PFKFB2: variants seen among roughly 807,000 people sequenced by gnomAD.
PFKFB2 encodes the protein 6-phosphofructo-2-kinase/fructose-2,6-bisphosphatase 2.
A neutral mutation model predicts 68.0 loss-of-function variants in PFKFB2; 53 were observed. That is an observed-to-expected ratio of 0.78 (90% confidence interval 0.63 to 0.98). The LOEUF (loss-of-function observed/expected upper bound fraction) is 0.98, where lower values mean the gene tolerates loss of function less well. Among genes scored for constraint, PFKFB2 ranks in the 50% least tolerant of loss-of-function variants. The probability of loss-of-function intolerance (pLI) is 0.00; values close to 1 mark genes in which losing one functional copy is unlikely to be tolerated. For missense variants in PFKFB2, 451 were observed against 642.0 expected, an observed-to-expected ratio of 0.70 and a Z score of 3.22; for synonymous variants, 222 against 227.6, an observed-to-expected ratio of 0.98 and a Z score of 0.22.
rs576124858 is a variant in PFKFB2, at chr1:207,071,399, CTG to C, written c.1286-104_1286-103del. On this transcript the variant is annotated intron_variant, in intron 13 of 14. Transcript: ENST00000367080. ...TGTTTTGAAAGGGATGTATGCATGA[CTG>C]TGTGTATTGCAGAATGCGTACATTC... The C allele has an allele frequency of 3.0e-4, 309 of 1,034,636 alleles. 2 individuals carry two copies. In the African/African-American group the frequency reaches 4.2e-3, roughly 14 times the overall value. The allele number at this position is 1,034,636 out of a possible 1,614,324, so 64.1% of individuals were successfully genotyped here.
intron 1 of PFKFB2, among the ~76,000 whole-genome samples, chr1:207,034,645 C>G (rs1180176525): frequency 6.6e-6 from 1 of 152,138 alleles, no homozygotes. Context: ...GGGACATAGA[C>G]AAAAATCATC....
At chr1:207,049,802 T>C (rs1290227640), upstream of PFKFB2, 1 of 1,354,974 alleles carries the variant, frequency 7.4e-7, no homozygotes, top group Non-Finnish European at 1.0e-6. Flanking sequence ...GTCTGTAAAT[T>C]ACAAACTGAA....
chr1:207,068,167 C>T lies in PFKFB2; in HGVS notation c.845C>T (p.Ala282Val). The change falls in exon 10 of 15, where the codon GCC becomes GTC. Residue 282 changes from alanine (A) to valine (V), a missense_variant. By Grantham distance (64) the Ala-to-Val change is moderately conservative. Coordinates refer to ENST00000367080, the MANE Select transcript of PFKFB2 (RefSeq NM_006212.2). ...SGLSVRGKQF[A>V]QALRKFLEEQ... ...ATTTTCATTTTTAAACCCCAGTTTGCCCAAGCTCTAAGGAAATTTCTGGAG... is the reference window on the plus strand; with the variant it reads ...ATTTTCATTTTTAAACCCCAGTTTGTCCAAGCTCTAAGGAAATTTCTGGAG... 6.2e-7 allele frequency: 1 copy of T among 1,604,812 alleles called. No individual in the cohort carries two copies. The highest frequency in any genetic ancestry group is 8.5e-7 in the Non-Finnish European group (1 of 1,177,054).
upstream of PFKFB2, chr1:207,048,754 G>A (rs1325590505): frequency 4.7e-6 from 2 of 424,100 alleles, no homozygotes; most frequent in African/African-American, 4.0e-5. Flanking sequence ...CTTCAGGTCA[G>A]TGTCAGTAGG....
chr1:207,064,090 G>GCTAA lies in PFKFB2; in HGVS notation c.507+261_507+262insCTAA, dbSNP rs1265247149. Among the ~76,000 whole-genome samples the GCTAA allele has an allele frequency of 3.3e-4, 50 of 152,268 alleles. 1 individual carries two copies. In the East Asian group the frequency reaches 9.1e-3, roughly 28 times the overall value. ...AATTAGCTGTTGAATTGAAACCAGG[G>GCTAA]TTTAGGTTGTAGGATTCTTGGCCCT... On this transcript the variant is annotated intron_variant, in intron 7 of 14. Transcript: ENST00000367080.
Position 207,076,188 on chromosome 1 carries a change from G to A in PFKFB2, c.*3817G>A. ...CCACATTTGGTCTTCAGAGACACTG[G>A]CATTTTGAAGAAACATATGATATAG... On this transcript the variant is annotated 3_prime_UTR_variant, in exon 15 of 15. Coordinates refer to ENST00000367080, the MANE Select transcript of PFKFB2 (RefSeq NM_006212.2). 9.2e-6 allele frequency: 9 copies of A among 983,162 alleles called. No individual in the cohort carries two copies. Among genetic ancestry groups the A allele is most frequent in the Non-Finnish European group, 1.1e-5 (9 of 828,146 alleles). The allele number at this position is 983,162 out of a possible 1,614,324, so 60.9% of individuals were successfully genotyped here.
At chr1:207,057,338 C>T (rs1682957096) in intron 2 of PFKFB2, among the ~76,000 whole-genome samples, 1 of 137,230 alleles carries the variant, frequency 7.3e-6, no homozygotes, top group Admixed American at 7.3e-5. Flanking sequence ...ACTAGCCGGG[C>T]ATGGTGGCGG....
At chr1:207,069,652 T>G (rs1288091771) in intron 11 of PFKFB2, 124 bp downstream of exon 11, 2 of 642,722 alleles carry the variant, frequency 3.1e-6, no homozygotes, top group Non-Finnish European at 5.5e-6. Context: ...TTCCCTTGGG[T>G]CATTTTGGTT....
chr1:207,048,833 A>G, upstream of PFKFB2: 1 of 607,930 alleles, frequency 1.6e-6, no homozygotes, highest in Non-Finnish European at 2.9e-6. Flanking sequence ...CACTGTAGAC[A>G]CACATCTGTA....
intron 1 of PFKFB2, among the ~76,000 whole-genome samples, chr1:207,038,314 A>C (rs924361468): frequency 5.7e-4 from 87 of 152,224 alleles, no homozygotes; most frequent in African/African-American, 2.0e-3. Flanking sequence ...GGAGTTTACA[A>C]AGTAATTATG....
At chr1:207,040,318 T>C (rs1411377104) in intron 1 of PFKFB2, among the ~76,000 whole-genome samples, 1 of 152,188 alleles carries the variant, frequency 6.6e-6, no homozygotes, top group African/African-American at 2.4e-5. Context: ...CATGGCCAAG[T>C]CATTATGACA....
chr1:207,050,599 G>A, upstream of PFKFB2: 2 of 1,562,948 alleles, frequency 1.3e-6, no homozygotes, highest in Non-Finnish European at 1.7e-6. Flanking sequence ...CCGACTCACA[G>A]CCACCTTGCC....
chr1:207,054,401 G>A (rs1463394501), intron 1 of PFKFB2, among the ~76,000 whole-genome samples: 1 of 152,170 alleles, frequency 6.6e-6, no homozygotes, highest in African/African-American at 2.4e-5. Context: ...AAAATGAGAA[G>A]AAATAATGGT....
chr1:207,037,701 T>G (rs1262588644), intron 1 of PFKFB2, among the ~76,000 whole-genome samples: 1 of 152,244 alleles, frequency 6.6e-6, no homozygotes, highest in Admixed American at 6.5e-5. Flanking sequence ...GTAAATATTA[T>G]TCCACATCAC....
chr1:207,064,585 C>T (rs761098568), intron 7 of PFKFB2, among the ~76,000 whole-genome samples: 5 of 152,198 alleles, frequency 3.3e-5, no homozygotes, highest in African/African-American at 4.8e-5. Flanking sequence ...TCTGCTGGAC[C>T]GAGTAGATAT....
chr1:207,055,081 T>A (rs1284738941), intron 2 of PFKFB2: 11 of 356,366 alleles, frequency 3.1e-5, no homozygotes, highest in Non-Finnish European at 2.1e-5. Context: ...GGCTTGCTGA[T>A]GGAAGTTAGA....
rs1683526328 is a variant in PFKFB2, at chr1:207,073,403, G to A, written c.*1032G>A. The A allele has an allele frequency of 1.0e-6, 1 of 985,328 alleles. No homozygotes were observed. The allele number at this position is 985,328 out of a possible 1,614,324, so 61.0% of individuals were successfully genotyped here. On this transcript the variant is annotated 3_prime_UTR_variant, in exon 15 of 15. Transcript: ENST00000367080. ...CTGGGGCTGTTTAGAAGGGCAGTTA[G>A]ATTCAGGAGTCACCACTGATGTTTG...
intron 12 of PFKFB2, 25 bp from the exon 13 acceptor site, chr1:207,071,163 C>T (rs1558065455): frequency 6.3e-7 from 1 of 1,599,026 alleles, no homozygotes; most frequent in African/African-American, 1.3e-5. Flanking sequence ...AAGAGACTTC[C>T]CTCGCCTGGT....
chr1:207,065,672 A>G (rs886071966), intron 8 of PFKFB2, among the ~76,000 whole-genome samples: 7 of 151,786 alleles, frequency 4.6e-5, no homozygotes, highest in African/African-American at 1.5e-4. Context: ...TTTATCATCA[A>G]TTTTTTCTCT....
Sources: gnomAD v4.1 joint callset for allele counts (sites outside exome capture counted in the v4.1 genomes callset) on GRCh38, gnomAD v4.1.1 for gene constraint, MANE v1.5 for transcripts, NCBI Gene and HGNC (gene_info 2026-07-23, HGNC 2026-07-21) for gene names.